SDC2: variants seen among roughly 807,000 people sequenced by gnomAD.
SDC2 encodes the protein syndecan-2.
SDC2 carries 13 observed loss-of-function variants against 22.2 expected under a neutral mutation model. The observed-to-expected ratio is 0.59, with a 90% CI of 0.38 to 0.93. SDC2 has a LOEUF of 0.93. Ranked by LOEUF, SDC2 falls within the 40% of genes least tolerant of loss-of-function variation. The pLI is 0.00. For synonymous variants in SDC2, 94 were observed against 92.8 expected, an observed-to-expected ratio of 1.01 and a Z score of -0.07; for missense variants, 235 against 246.8, an observed-to-expected ratio of 0.95 and a Z score of 0.32.
At chr8:96,536,388 T>C (rs1170230909) in intron 1 of SDC2, among the ~76,000 whole-genome samples, 1 of 152,128 alleles carries the variant, frequency 6.6e-6, no homozygotes, top group Non-Finnish European at 1.5e-5. Context: ...TAGTGCGACC[T>C]TTGCTCACTG....
At chr8:96,517,200 G>C (rs1813414516) in intron 1 of SDC2, among the ~76,000 whole-genome samples, 2 of 152,278 alleles carry the variant, frequency 1.3e-5, no homozygotes, top group South Asian at 4.2e-4. Flanking sequence ...TGATGATGTT[G>C]AGCAAGATGT....
intron 1 of SDC2, among the ~76,000 whole-genome samples, chr8:96,518,687 A>G (rs948477356): frequency 6.6e-6 from 1 of 152,156 alleles, no homozygotes; most frequent in Admixed American, 6.5e-5. Context: ...ACAGATAAAG[A>G]GCTGAAACTT....
At position 96,546,859 on chromosome 8, in the gene SDC2, C is replaced by A. The variant is rs193079975; in HGVS notation, c.61-46621C>A. Among the ~76,000 whole-genome samples the A allele has an allele frequency of 2.7e-3, 404 of 152,290 alleles. 3 individuals carry two copies. The highest frequency in any genetic ancestry group is 0.014 in the Middle Eastern group (4 of 294). On this transcript the variant is annotated intron_variant, in intron 1 of 4. Transcript: ENST00000302190. ...ATGCTTCAGTCTCTGGCTTCTGATT[C>A]CTTTGTGGAATTAAAAATGCTTTTG... is the stretch of plus-strand genomic sequence containing the variant.
rs1236267155 is a variant in SDC2 at position 96,576,384 on chromosome 8, G to GTTTTTTTTTT, written c.61-17087_61-17086insTTTTTTTTTT. Among the ~76,000 whole-genome samples, 107 of 50,988 alleles carry GTTTTTTTTTT rather than the reference G, an allele frequency of 2.1e-3. 2 individuals are homozygous for GTTTTTTTTTT. The highest frequency in any genetic ancestry group is 4.7e-3 in the East Asian group (13 of 2,790). 33.5% of individuals were successfully genotyped at this position (50,988 alleles called of 152,430 possible). A position where few individuals can be genotyped will look rare whatever the true frequency, so the allele number is the denominator to read the frequency against. On this transcript the variant is annotated intron_variant, in intron 1 of 4. Coordinates refer to ENST00000302190, the MANE Select transcript of SDC2 (RefSeq NM_002998.4). ...TGGTAGTTTGTTTTTGTTTTGTTTT[G>GTTTTTTTTTT]TTTTTTTTTACCAGATTTGCTTTAT...
At chr8:96,523,741 G>A (rs1425233392) in intron 1 of SDC2, among the ~76,000 whole-genome samples, 1 of 152,168 alleles carries the variant, frequency 6.6e-6, no homozygotes, top group African/African-American at 2.4e-5. Context: ...ACAGAGGAAT[G>A]CTTAAGTATT....
intron 2 of SDC2, among the ~76,000 whole-genome samples, chr8:96,597,200 G>A (rs936420586): frequency 3.9e-5 from 6 of 152,186 alleles, no homozygotes; most frequent in Admixed American, 3.9e-4. Flanking sequence ...TTAATATGGT[G>A]TGATCCCAAG....
chr8:96,544,548 T>C (rs185421453), intron 1 of SDC2, among the ~76,000 whole-genome samples: 17 of 152,316 alleles, frequency 1.1e-4, no homozygotes, highest in Admixed American at 2.6e-4. Flanking sequence ...TGTAGTGCCT[T>C]GAATTTCTCT....
chr8:96,603,062 A>T (rs2130654687), intron 3 of SDC2, among the ~76,000 whole-genome samples: 1 of 152,304 alleles, frequency 6.6e-6, no homozygotes, highest in East Asian at 1.9e-4. Context: ...CTGACTTATT[A>T]AGAATAAGGT....
At chr8:96,548,028 G>A (rs1479072409) in intron 1 of SDC2, among the ~76,000 whole-genome samples, 1 of 152,182 alleles carries the variant, frequency 6.6e-6, no homozygotes, top group Non-Finnish European at 1.5e-5. Context: ...TTTCCAAAGT[G>A]CTGGGATTAC....
intron 1 of SDC2, among the ~76,000 whole-genome samples, chr8:96,562,392 C>G (rs113069320): frequency 6.6e-6 from 1 of 152,174 alleles, no homozygotes; most frequent in South Asian, 2.1e-4. Flanking sequence ...GCTGCCTCCC[C>G]TGCTTGCCCA....
At chr8:96,516,606 T>A (rs1813406176) in intron 1 of SDC2, among the ~76,000 whole-genome samples, 1 of 152,134 alleles carries the variant, frequency 6.6e-6, no homozygotes, top group South Asian at 2.1e-4. Flanking sequence ...CTTCAAGGCC[T>A]AGGCAACCAC....
At chr8:96,607,746 G>A (rs1815106161) in intron 3 of SDC2, among the ~76,000 whole-genome samples, 1 of 152,156 alleles carries the variant, frequency 6.6e-6, no homozygotes, top group Non-Finnish European at 1.5e-5. Context: ...GAAGTATGAT[G>A]TGATCAGGGA....
intron 1 of SDC2, among the ~76,000 whole-genome samples, chr8:96,573,054 G>A (rs1439968721): frequency 6.6e-6 from 1 of 152,144 alleles, no homozygotes; most frequent in Non-Finnish European, 1.5e-5. Context: ...TTAATGTGGG[G>A]CCTTGCCTGC....
At chr8:96,506,954 A>G (rs970026769) in intron 1 of SDC2, among the ~76,000 whole-genome samples, 1 of 147,422 alleles carries the variant, frequency 6.8e-6, no homozygotes, top group African/African-American at 2.5e-5. Flanking sequence ...GATTGCGGTG[A>G]GCCGAGATCA....
intron 1 of SDC2, among the ~76,000 whole-genome samples, chr8:96,520,381 A>G (rs1813478239): frequency 6.6e-6 from 1 of 152,228 alleles, no homozygotes; most frequent in Non-Finnish European, 1.5e-5. Context: ...TCTAAAGGTG[A>G]TTTCTGCTGC....
chr8:96,497,642 G>C (rs572513100), intron 1 of SDC2, among the ~76,000 whole-genome samples: 132 of 152,286 alleles, frequency 8.7e-4, no homozygotes, highest in Non-Finnish European at 1.5e-3. Flanking sequence ...AGACCTGACT[G>C]GCCAGCTAGA....
At chr8:96,592,683 G>C (rs566504566) in intron 1 of SDC2, among the ~76,000 whole-genome samples, 62 of 152,328 alleles carry the variant, frequency 4.1e-4, no homozygotes, top group African/African-American at 1.4e-3. Flanking sequence ...CTGTGGAACT[G>C]GTATACTTAG....
At chr8:96,569,910 T>G (rs1006805842) in intron 1 of SDC2, among the ~76,000 whole-genome samples, 1 of 152,102 alleles carries the variant, frequency 6.6e-6, no homozygotes, top group South Asian at 2.1e-4. Flanking sequence ...ATGTGCTCTC[T>G]GGGAAAGGAG....
At chr8:96,571,401 C>T (rs573889825) in intron 1 of SDC2, among the ~76,000 whole-genome samples, 8 of 152,102 alleles carry the variant, frequency 5.3e-5, no homozygotes, top group African/African-American at 7.2e-5. Context: ...CCCCGATCAC[C>T]GGGGTCTTAT....
Sources: gnomAD v4.1 joint callset for allele counts (sites outside exome capture counted in the v4.1 genomes callset) on GRCh38, gnomAD v4.1.1 for gene constraint, MANE v1.5 for transcripts, NCBI Gene and HGNC (gene_info 2026-07-23, HGNC 2026-07-21) for gene names.